Variants in OR1J2 observed in about 807,000 individuals in gnomAD.
OR1J2 encodes the protein olfactory receptor 1J2.
For missense variants in OR1J2, 304 were observed against 246.1 expected, an observed-to-expected ratio of 1.24 and a Z score of -1.57; for synonymous variants, 142 against 99.7, an observed-to-expected ratio of 1.42 and a Z score of -2.52.
chr9:122,544,915 T>G, the OR1J2 span, among the ~76,000 whole-genome samples: 107 of 152,144 alleles, frequency 7.0e-4, no homozygotes, highest in Non-Finnish European at 3.4e-4. Context: ...TCTTCTAGCT[T>G]TTAAATTTAG....
chr9:122,477,185 C>A, the OR1J2 span: 2 of 1,614,142 alleles, frequency 1.2e-6, no homozygotes, highest in Non-Finnish European at 8.5e-7. Context: ...TAGATAGTCA[C>A]CACTGAGAGG....
At chr9:122,553,115 T>C in the OR1J2 span, 1 of 1,293,966 alleles carries the variant, frequency 7.7e-7, no homozygotes, top group Non-Finnish European at 1.1e-6. Flanking sequence ...CCCAGCACAG[T>C]TCTGGCCACA....
At chr9:122,473,255 T>C in the OR1J2 span, among the ~76,000 whole-genome samples, 1 of 152,204 alleles carries the variant, frequency 6.6e-6, no homozygotes, top group Admixed American at 6.5e-5. Context: ...CAACCCTCTG[T>C]ACAAAGTGTA....
chr9:122,542,170 C>CT, the OR1J2 span, among the ~76,000 whole-genome samples: 1 of 152,062 alleles, frequency 6.6e-6, no homozygotes, highest in African/African-American at 2.4e-5. Context: ...GAAGTTTGTT[C>CT]TTTTTATTGC....
chr9:122,524,548 T>G, the OR1J2 span, among the ~76,000 whole-genome samples: 1 of 152,196 alleles, frequency 6.6e-6, no homozygotes, highest in African/African-American at 2.4e-5. Flanking sequence ...AGAATTATAT[T>G]AAGTAAACTG....
At chr9:122,549,363 T>C in the OR1J2 span, among the ~76,000 whole-genome samples, 11 of 152,134 alleles carry the variant, frequency 7.2e-5, no homozygotes, top group African/African-American at 1.4e-4. Flanking sequence ...TGCAGAACCA[T>C]GGGCCAAATA....
At chr9:122,504,027 C>G in the OR1J2 span, among the ~76,000 whole-genome samples, 1 of 152,210 alleles carries the variant, frequency 6.6e-6, no homozygotes, top group African/African-American at 2.4e-5. Context: ...GGCTGAGGGA[C>G]AGACTTCAAT....
chr9:122,485,510 GAAC>G, the OR1J2 span, among the ~76,000 whole-genome samples: 1 of 152,202 alleles, frequency 6.6e-6, no homozygotes, highest in Admixed American at 6.5e-5. Context: ...GTGATTTTCA[GAAC>G]AACATTGAGC....
At chr9:122,449,679 A>G in the OR1J2 span, among the ~76,000 whole-genome samples, 2 of 151,952 alleles carry the variant, frequency 1.3e-5, no homozygotes, top group Non-Finnish European at 2.9e-5. Context: ...TATGAGATGT[A>G]TTTCTATCTA....
chr9:122,460,694 G>C, the OR1J2 span, among the ~76,000 whole-genome samples: 1 of 152,064 alleles, frequency 6.6e-6, no homozygotes, highest in East Asian at 1.9e-4. Flanking sequence ...TTTGTAGATT[G>C]CTTTGGGCGG....
At chr9:122,461,527 C>G in the OR1J2 span, among the ~76,000 whole-genome samples, 8 of 152,094 alleles carry the variant, frequency 5.3e-5, no homozygotes, top group African/African-American at 9.6e-5. Context: ...TATTTGTGCT[C>G]TTTTAGACTT....
downstream of OR1J2, among the ~76,000 whole-genome samples, chr9:122,513,632 G>A (rs1395304145): frequency 6.6e-6 from 1 of 151,828 alleles, no homozygotes; most frequent in Non-Finnish European, 1.5e-5. Context: ...TGTATCAACC[G>A]GTCATTTGGT....
the OR1J2 span, among the ~76,000 whole-genome samples, chr9:122,451,571 A>G: frequency 4.6e-5 from 7 of 152,320 alleles, no homozygotes; most frequent in South Asian, 2.1e-4. Context: ...TCTTTGGCCA[A>G]TAGATCTCCA....
chr9:122,494,681 C>A, the OR1J2 span, among the ~76,000 whole-genome samples: 5 of 152,110 alleles, frequency 3.3e-5, no homozygotes, highest in Admixed American at 1.3e-4. Flanking sequence ...CATTTACATT[C>A]AATGTTAATA....
At chr9:122,494,681 C>G in the OR1J2 span, among the ~76,000 whole-genome samples, 1 of 152,110 alleles carries the variant, frequency 6.6e-6, no homozygotes, top group Admixed American at 6.5e-5. Context: ...CATTTACATT[C>G]AATGTTAATA....
the OR1J2 span, among the ~76,000 whole-genome samples, chr9:122,550,680 C>A: frequency 6.6e-6 from 1 of 151,796 alleles, no homozygotes; most frequent in East Asian, 1.9e-4. Flanking sequence ...ATAGAAAAAG[C>A]AACTGATAAA....
chr9:122,516,584 T>C (rs1420376175), downstream of OR1J2, among the ~76,000 whole-genome samples: 5 of 152,160 alleles, frequency 3.3e-5, no homozygotes, highest in Non-Finnish European at 7.3e-5. Flanking sequence ...ATTACAGGCG[T>C]GAGCCACCGC....
chr9:122,525,041 T>C, the OR1J2 span, among the ~76,000 whole-genome samples: 1 of 151,908 alleles, frequency 6.6e-6, no homozygotes, highest in African/African-American at 2.4e-5. Flanking sequence ...GGAAGGAGAG[T>C]TGTAGACTAA....
the OR1J2 span, among the ~76,000 whole-genome samples, chr9:122,476,476 A>G: frequency 6.6e-6 from 1 of 152,240 alleles, no homozygotes; most frequent in African/African-American, 2.4e-5. Flanking sequence ...ACCCAAGAAA[A>G]GAGCAAACAA....
Sources: allele counts gnomAD v4.1 joint callset (sites outside exome capture counted in the v4.1 genomes callset), GRCh38; gene constraint gnomAD v4.1.1; transcripts MANE v1.5; gene names NCBI Gene and HGNC (gene_info 2026-07-23, HGNC 2026-07-21).